CLPTM1: variants seen among roughly 807,000 people sequenced by gnomAD.
CLPTM1 encodes the protein CLPTM1 regulator of GABA type A receptor forward trafficking.
CLPTM1 carries 21 observed loss-of-function variants against 77.3 expected under a neutral mutation model. The observed-to-expected ratio is 0.27, with a 90% CI of 0.19 to 0.39. The LOEUF (loss-of-function observed/expected upper bound fraction) is 0.39. Ranked by LOEUF, CLPTM1 falls within the 10% of genes least tolerant of loss-of-function variation. The pLI, the probability that CLPTM1 is intolerant of heterozygous loss-of-function variation, is 1.00. For synonymous variants in CLPTM1, 373 were observed against 381.0 expected (o/e 0.98, Z 0.24); for missense variants, 642 against 921.2 (o/e 0.70, Z 3.92).
At position 44,992,781 on chromosome 19, in the gene CLPTM1, G is replaced by A. The variant is rs754626403; in HGVS notation, c.1894G>A (p.Ala632Thr). Residue 632 changes from alanine (A) to threonine (T), a missense_variant, in exon 14 of 14, where the codon GCC becomes ACC. Physicochemically the swap from Ala to Thr is moderately conservative, Grantham distance 58 (BLOSUM62 0). Coordinates refer to ENST00000337392, the MANE Select transcript of CLPTM1 (RefSeq NM_001294.4). This position sits in a 1 kb window ranked among gnomAD's most constrained non-coding sequence, Gnocchi z 7.7. ...CACACCTGCACCCACCACGACCACCGCCACCAGGGAGGAGGCCTCCACGTC... is the reference window on the plus strand; with the variant it reads ...CACACCTGCACCCACCACGACCACCACCACCAGGGAGGAGGCCTCCACGTC... ...TPTPAPTTTT[A>T]TREEASTSLP... 5 of 1,612,632 alleles carry A rather than the reference G, an allele frequency of 3.1e-6. No homozygotes were observed. The highest frequency in any genetic ancestry group is 1.6e-4 in the Middle Eastern group (1 of 6,062).
At chr19:44,977,886 G>T (rs779197375) in intron 5 of CLPTM1, among the ~76,000 whole-genome samples, 14 of 152,094 alleles carry the variant, frequency 9.2e-5, no homozygotes, top group Non-Finnish European at 1.9e-4. Context: ...GAGACAAGGT[G>T]GGCAGATTGC....
chr19:44,979,865 C>A (rs1315176427), intron 5 of CLPTM1, among the ~76,000 whole-genome samples: 1 of 152,132 alleles, frequency 6.6e-6, no homozygotes, highest in African/African-American at 2.4e-5. Flanking sequence ...GGCTAAAATG[C>A]CCGATGTTTC....
Position 44,990,988 on chromosome 19 carries a change from T to TG in CLPTM1, c.1419+43_1419+44insG, listed in dbSNP as rs1600049367. 7.9e-7 allele frequency: 1 copy of TG among 1,271,954 alleles called. No individual in the cohort carries two copies. The highest frequency in any genetic ancestry group is 1.1e-6 in the Non-Finnish European group (1 of 945,590). 78.8% of individuals were successfully genotyped at this position (1,271,954 alleles called of 1,614,324 possible). On this transcript the variant is annotated intron_variant, in intron 11 of 13. Coordinates refer to ENST00000337392, the MANE Select transcript of CLPTM1 (RefSeq NM_001294.4). The surrounding 1 kb of genome is among the most constrained non-coding windows in gnomAD (Gnocchi z 4.8). ...TGGGCCCCTGGGGGTGGTCTCCAGGTACCACGTATCCCTGAGGCACCCGGG... is the reference window on the plus strand; with the variant it reads ...TGGGCCCCTGGGGGTGGTCTCCAGGTGACCACGTATCCCTGAGGCACCCGGG...
intron 2 of CLPTM1, 123 bp downstream of exon 2, chr19:44,962,198 CTT>C (rs796138046): frequency 6.1e-4 from 224 of 369,208 alleles, no homozygotes; most frequent in South Asian, 1.2e-3. Context: ...TGCTTTTTTT[CTT>C]TTTTTTTTTG....
chr19:44,985,407 T>G (rs1970962264), intron 6 of CLPTM1, 104 bp downstream of exon 6: 4 of 789,322 alleles, frequency 5.1e-6, no homozygotes, highest in Non-Finnish European at 8.6e-6. Context: ...TGAACCACCA[T>G]GCCGGCTCGG....
chr19:44,987,021 C>G, intron 7 of CLPTM1, 158 bp from the exon 8 acceptor site: 1 of 976,056 alleles, frequency 1.0e-6, no homozygotes, highest in South Asian at 1.6e-5. Context: ...CTGCTGAGGT[C>G]AAGGCACCCT....
intron 5 of CLPTM1, among the ~76,000 whole-genome samples, chr19:44,982,213 G>T (rs1970907623): frequency 6.6e-6 from 1 of 152,042 alleles, no homozygotes; most frequent in African/African-American, 2.4e-5. Flanking sequence ...GGCGGGCATG[G>T]TGGCTAACGC....
chr19:44,957,930 T>C (rs1437952581), intron 1 of CLPTM1, among the ~76,000 whole-genome samples: 4 of 152,198 alleles, frequency 2.6e-5, no homozygotes, highest in African/African-American at 7.2e-5. Flanking sequence ...CTTACACTTA[T>C]GTTCTAGTTG....
rs1014860675 is a variant in CLPTM1 at position 44,972,238 on chromosome 19, C to T, written c.186-849C>T. ...AGTTGCCGTGTTTTGCTACCAAATA[C>T]TAGATCTCATTCATTCTTTTTTTTT... On this transcript the variant is annotated intron_variant, in intron 2 of 13. Transcript: ENST00000337392. Among the ~76,000 whole-genome samples, 3 of 151,084 alleles carry T rather than the reference C, an allele frequency of 2.0e-5. No individual in the cohort carries two copies. In the South Asian group the frequency reaches 6.3e-4, roughly 32 times the overall value.
chr19:44,986,278 G>T (rs1355427685), intron 6 of CLPTM1, among the ~76,000 whole-genome samples, 177 bp from the exon 7 acceptor site: 1 of 11,646 alleles, frequency 8.6e-5, no homozygotes, highest in South Asian at 4.3e-3. Flanking sequence ...TGGGAGGATC[G>T]TGCTTGAGCC....
At chr19:44,985,766 T>C (rs994443924) in intron 6 of CLPTM1, among the ~76,000 whole-genome samples, 1 of 152,098 alleles carries the variant, frequency 6.6e-6, no homozygotes, top group South Asian at 2.1e-4. Context: ...GTGGTTAACC[T>C]GCAGTGGGCA....
chr19:44,981,328 A>G lies in CLPTM1; in HGVS notation c.586+3868A>G, dbSNP rs369351592. ...AGCTAATTTTGTATTTATAGTAGAG[A>G]TAGGGTTTCTCCATGTTGGTCAGGC... On this transcript the variant is annotated intron_variant, in intron 5 of 13. Transcript: ENST00000337392. Among the ~76,000 whole-genome samples, 186 of 152,046 alleles carry G rather than the reference A, an allele frequency of 1.2e-3. 4 individuals carry two copies. In the Middle Eastern group the frequency reaches 0.024, roughly 19 times the overall value.
At chr19:44,968,304 T>C (rs570176163) in intron 2 of CLPTM1, among the ~76,000 whole-genome samples, 1 of 152,260 alleles carries the variant, frequency 6.6e-6, no homozygotes, top group African/African-American at 2.4e-5. Flanking sequence ...GGAATAGCCT[T>C]TCTAGATAGC....
intron 2 of CLPTM1, among the ~76,000 whole-genome samples, chr19:44,965,627 C>G (rs953044183): frequency 2.6e-5 from 4 of 151,872 alleles, no homozygotes; most frequent in Non-Finnish European, 5.9e-5. Context: ...TCCTGGCTAA[C>G]ACAGTGAAAC....
chr19:44,981,131 G>A (rs1029714197), intron 5 of CLPTM1, among the ~76,000 whole-genome samples: 4 of 147,388 alleles, frequency 2.7e-5, no homozygotes, highest in East Asian at 2.1e-4. Flanking sequence ...ATGAGCCAGC[G>A]CGCCTGGCCT....
At chr19:44,964,740 G>A (rs888156491) in intron 2 of CLPTM1, among the ~76,000 whole-genome samples, 14 of 152,144 alleles carry the variant, frequency 9.2e-5, no homozygotes, top group African/African-American at 3.1e-4. Context: ...TCAGACACAA[G>A]CTTCCCATTT....
At chr19:44,988,900 C>T (rs1483991940) in intron 9 of CLPTM1, among the ~76,000 whole-genome samples, 1 of 152,180 alleles carries the variant, frequency 6.6e-6, no homozygotes, top group Non-Finnish European at 1.5e-5. Flanking sequence ...ATGCTATTGC[C>T]GGCCTGGTGG....
intron 1 of CLPTM1, 123 bp from the exon 2 acceptor site, chr19:44,961,839 AT>A: frequency 1.8e-6 from 1 of 543,862 alleles, no homozygotes; most frequent in East Asian, 3.3e-5. Flanking sequence ...TCACTGATTC[AT>A]TCTCCAGTTA....
chr19:44,993,021 C>A lies in CLPTM1; in HGVS notation c.*124C>A. On this transcript the variant is annotated 3_prime_UTR_variant, in exon 14 of 14. Coordinates refer to ENST00000337392, the MANE Select transcript of CLPTM1 (RefSeq NM_001294.4). The stretch of plus-strand genomic sequence containing the variant: ...CAGGCCGGGGCGGTGGGAGGCCCGC[C>A]TCAGGTCAGGGCCCAGCGTGTGATG... 8.1e-7 allele frequency: 1 copy of A among 1,239,182 alleles called. No homozygotes were observed. The highest frequency in any genetic ancestry group is 1.1e-6 in the Non-Finnish European group (1 of 872,450). 76.8% of individuals were successfully genotyped at this position (1,239,182 alleles called of 1,614,324 possible).
Sources: allele counts gnomAD v4.1 joint callset (sites outside exome capture counted in the v4.1 genomes callset), GRCh38; gene constraint gnomAD v4.1.1; non-coding constraint Gnocchi (gnomAD v3.1); transcripts MANE v1.5; gene names NCBI Gene and HGNC (gene_info 2026-07-23, HGNC 2026-07-21).